Variants in GATAD2B observed in about 807,000 individuals in gnomAD.
GATAD2B encodes the protein transcriptional repressor p66-beta.
In GATAD2B, 8 loss-of-function variants were observed where a neutral mutation model predicts 64.3. The observed-to-expected ratio is 0.12, with a 90% CI of 0.07 to 0.22. GATAD2B has a LOEUF of 0.22. Among genes scored for constraint, GATAD2B ranks in the 10% least tolerant of loss-of-function variants. The pLI, the probability that GATAD2B is intolerant of heterozygous loss-of-function variation, is 1.00. For missense variants in GATAD2B, 453 were observed against 752.0 expected, an observed-to-expected ratio of 0.60 and a Z score of 4.65; for synonymous variants, 281 against 271.3, an observed-to-expected ratio of 1.04 and a Z score of -0.35.
chr1:153,871,100 T>C (rs1164346927), intron 1 of GATAD2B, among the ~76,000 whole-genome samples: 1 of 151,970 alleles, frequency 6.6e-6, no homozygotes, highest in Non-Finnish European at 1.5e-5. Flanking sequence ...ACAGTCTCGC[T>C]CTGTTGCCCA....
intron 1 of GATAD2B, among the ~76,000 whole-genome samples, chr1:153,895,687 A>G (rs1677568272): frequency 6.6e-6 from 1 of 152,118 alleles, no homozygotes; most frequent in Non-Finnish European, 1.5e-5. Flanking sequence ...ATAATGATGT[A>G]CTCTTGAATC....
intron 1 of GATAD2B, among the ~76,000 whole-genome samples, chr1:153,851,007 T>C (rs1228864153): frequency 1.3e-5 from 2 of 152,056 alleles, no homozygotes; most frequent in African/African-American, 4.8e-5. Context: ...AAGTGTACAA[T>C]ACATTAATGT....
intron 1 of GATAD2B, among the ~76,000 whole-genome samples, chr1:153,850,140 T>C (rs182280437): frequency 6.6e-6 from 1 of 152,318 alleles, no homozygotes; most frequent in Non-Finnish European, 1.5e-5. Flanking sequence ...GCTTAAACTG[T>C]GGATCTGTTC....
At chr1:153,855,441 C>T (rs1269748468) in intron 1 of GATAD2B, among the ~76,000 whole-genome samples, 1 of 152,014 alleles carries the variant, frequency 6.6e-6, no homozygotes, top group East Asian at 1.9e-4. Flanking sequence ...GTTGGCCAGG[C>T]AGGTCTCAAA....
intron 1 of GATAD2B, among the ~76,000 whole-genome samples, chr1:153,874,707 G>C (rs1676771237): frequency 6.6e-6 from 1 of 151,644 alleles, no homozygotes; most frequent in Non-Finnish European, 1.5e-5. Context: ...CTCCCAAGTA[G>C]CTGGGACTAC....
At chr1:153,905,136 G>A (rs940405410) in intron 1 of GATAD2B, among the ~76,000 whole-genome samples, 3 of 152,174 alleles carry the variant, frequency 2.0e-5, no homozygotes, top group African/African-American at 4.8e-5. Context: ...ATGAGCCACT[G>A]CACCTGGCCA....
At chr1:153,817,232 C>A in intron 6 of GATAD2B, 140 bp downstream of exon 6, 1 of 734,464 alleles carries the variant, frequency 1.4e-6, no homozygotes, top group Non-Finnish European at 2.1e-6. Flanking sequence ...GGACTGCTCT[C>A]AATTAAATCC....
intron 1 of GATAD2B, among the ~76,000 whole-genome samples, chr1:153,854,087 C>T (rs1174649251): frequency 1.3e-5 from 2 of 152,096 alleles, no homozygotes; most frequent in African/African-American, 4.8e-5. Context: ...TCCATACAGG[C>T]CTAAGGCTCA....
In GATAD2B at chr1:153,811,837, G is replaced by C. The variant is rs751609777; in HGVS notation, c.1542C>G (p.Pro514=). 6.2e-7 allele frequency: 1 copy of C among 1,605,718 alleles called. No homozygotes were observed. Among genetic ancestry groups the C allele is most frequent in the Non-Finnish European group, 8.5e-7 (1 of 1,176,070 alleles). Reference sequence around the variant, plus strand: ...GTATGCCACGCTGGAGGCTGCTCTGGGGCTGTGGAGCCTGCAATGATGAGG... The same window carrying C: ...GTATGCCACGCTGGAGGCTGCTCTGCGGCTGTGGAGCCTGCAATGATGAGG... ...RHHTLRQAPQ[P]QSSLQRGIPT... The change falls in exon 10 of 11, where the codon CCC becomes CCG. Residue 514 remains proline, a synonymous_variant. Transcript: ENST00000368655.
intron 2 of GATAD2B, among the ~76,000 whole-genome samples, chr1:153,825,832 A>G (rs1223129511): frequency 6.6e-6 from 1 of 152,214 alleles, no homozygotes; most frequent in South Asian, 2.1e-4. Flanking sequence ...AGAAAGTAAC[A>G]TGTGTAAAGT....
At chr1:153,845,761 AAAATAAATAAAT>A (rs1021488748) in intron 1 of GATAD2B, among the ~76,000 whole-genome samples, 1 of 151,954 alleles carries the variant, frequency 6.6e-6, no homozygotes, top group African/African-American at 2.4e-5. Context: ...CTATCTCAAA[AAAATAAATAAAT>A]AAATAAATAA....
Position 153,807,052 on chromosome 1 carries a change from A to C in GATAD2B, c.*3125T>G, listed in dbSNP as rs1674132683. The stretch of plus-strand genomic sequence containing the variant: ...GATGCTGTGGTCAAATTATAAAATA[A>C]AATCGACAAATAAGAACCTCTGTCC... On this transcript the variant is annotated 3_prime_UTR_variant, in exon 11 of 11. Transcript: ENST00000368655. The C allele has an allele frequency of 1.3e-5, 2 of 152,174 alleles. No homozygotes were observed. The highest frequency in any genetic ancestry group is 6.5e-5 in the Admixed American group (1 of 15,276). 9.4% of individuals were successfully genotyped at this position (152,174 alleles called of 1,614,324 possible). A position where few individuals can be genotyped will look rare whatever the true frequency, so the allele number is the denominator to read the frequency against.
At chr1:153,872,631 A>G (rs1050168332) in intron 1 of GATAD2B, among the ~76,000 whole-genome samples, 6 of 151,924 alleles carry the variant, frequency 3.9e-5, no homozygotes, top group South Asian at 2.1e-4. Flanking sequence ...CAAAATTCTC[A>G]TTTTTGCTTT....
intron 1 of GATAD2B, among the ~76,000 whole-genome samples, chr1:153,893,432 C>T (rs1677482617): frequency 6.6e-6 from 1 of 151,798 alleles, no homozygotes. Context: ...CATGCCGAAA[C>T]CCAGTCTCTA....
At chr1:153,825,153 T>C (rs1406884903) in intron 2 of GATAD2B, among the ~76,000 whole-genome samples, 1 of 152,138 alleles carries the variant, frequency 6.6e-6, no homozygotes, top group Non-Finnish European at 1.5e-5. Flanking sequence ...ATGTGAAGAA[T>C]CCACCTAACA....
chr1:153,848,533 T>C (rs1235634642), intron 1 of GATAD2B, among the ~76,000 whole-genome samples: 1 of 152,194 alleles, frequency 6.6e-6, no homozygotes, highest in Non-Finnish European at 1.5e-5. Flanking sequence ...CTTCTAACTG[T>C]AAAAATGAAG....
At chr1:153,865,532 AGGAT>A (rs1676448380) in intron 1 of GATAD2B, among the ~76,000 whole-genome samples, 1 of 152,208 alleles carries the variant, frequency 6.6e-6, no homozygotes, top group Admixed American at 6.5e-5. Context: ...TACCACACCA[AGGAT>A]GGTAAGTGGC....
At chr1:153,877,541 T>C (rs1557818051) in intron 1 of GATAD2B, among the ~76,000 whole-genome samples, 1 of 152,008 alleles carries the variant, frequency 6.6e-6, no homozygotes, top group African/African-American at 2.4e-5. Flanking sequence ...TCACTAAGAT[T>C]ATCCTCACTA....
chr1:153,851,361 A>G (rs1030415218), intron 1 of GATAD2B, among the ~76,000 whole-genome samples: 4 of 152,188 alleles, frequency 2.6e-5, no homozygotes, highest in African/African-American at 9.7e-5. Context: ...AGGAACCTCC[A>G]TACTGTTTTC....
Sources: gnomAD v4.1 joint callset for allele counts (sites outside exome capture counted in the v4.1 genomes callset) on GRCh38, gnomAD v4.1.1 for gene constraint, MANE v1.5 for transcripts, NCBI Gene and HGNC (gene_info 2026-07-23, HGNC 2026-07-21) for gene names.